The following NELL2 variants were observed in gnomAD, a reference collection of about 807,000 sequenced individuals.
NELL2 encodes neural EGFL like 2, also known as protein kinase C-binding protein NELL2.
A neutral mutation model predicts 109.6 loss-of-function variants in NELL2; 41 were observed. That is an observed-to-expected ratio of 0.37 (90% CI 0.29 to 0.49). The LOEUF (loss-of-function observed/expected upper bound fraction) is 0.49, where lower values mean the gene tolerates loss of function less well. Among genes scored for constraint, NELL2 ranks in the 20% least tolerant of loss-of-function variants. The pLI is 0.98. For synonymous variants in NELL2, 355 were observed against 344.7 expected (o/e 1.03, Z -0.33); for missense variants, 900 against 1,008.3 (o/e 0.89, Z 1.45).
At chr12:44,781,706 T>C (rs1392022412) in intron 3 of NELL2, among the ~76,000 whole-genome samples, 1 of 152,108 alleles carries the variant, frequency 6.6e-6, no homozygotes, top group East Asian at 1.9e-4. Flanking sequence ...AGTGTGTTTC[T>C]CAGTAGAAAC....
chr12:44,880,112 CAT>C (rs1311107706), upstream of NELL2, among the ~76,000 whole-genome samples: 16 of 122,378 alleles, frequency 1.3e-4, no homozygotes, highest in South Asian at 4.9e-3. Context: ...AGTCAAGAAA[CAT>C]ACACACACAC....
intron 9 of NELL2, among the ~76,000 whole-genome samples, chr12:44,763,871 T>C (rs893480680): frequency 7.9e-5 from 12 of 151,826 alleles, no homozygotes; most frequent in African/African-American, 1.9e-4. Flanking sequence ...AGATTTACAA[T>C]AAAAAAAACA....
intron 15 of NELL2, among the ~76,000 whole-genome samples, chr12:44,599,871 G>T (rs1945132411): frequency 6.6e-6 from 1 of 151,072 alleles, no homozygotes; most frequent in African/African-American, 2.4e-5. Flanking sequence ...CAATTGAATT[G>T]AAAGCAGACT....
At chr12:44,819,589 C>T (rs1943473585) in intron 2 of NELL2, among the ~76,000 whole-genome samples, 1 of 152,122 alleles carries the variant, frequency 6.6e-6, no homozygotes. Context: ...ACAGCAGAAC[C>T]ATCCTCCACC....
At chr12:44,624,488 G>A (rs538136520) in intron 13 of NELL2, among the ~76,000 whole-genome samples, 28 of 151,776 alleles carry the variant, frequency 1.8e-4, no homozygotes, top group African/African-American at 6.0e-4. Context: ...CCTCACTATC[G>A]TCTTTCCCCC....
chr12:44,797,065 A>G (rs931461075), intron 3 of NELL2, among the ~76,000 whole-genome samples: 4 of 152,172 alleles, frequency 2.6e-5, no homozygotes, highest in African/African-American at 9.7e-5. Flanking sequence ...AAGAACAGGT[A>G]TTAAAAAAAG....
intron 2 of NELL2, among the ~76,000 whole-genome samples, chr12:44,828,190 T>C (rs1391928030): frequency 6.6e-6 from 1 of 152,168 alleles, no homozygotes; most frequent in East Asian, 1.9e-4. Context: ...TAGAGTTGTT[T>C]GAGCTCCTTA....
intron 9 of NELL2, among the ~76,000 whole-genome samples, chr12:44,733,207 AT>A (rs1266334095): frequency 6.6e-6 from 1 of 151,960 alleles, no homozygotes; most frequent in Non-Finnish European, 1.5e-5. Flanking sequence ...ACTTGTGTGT[AT>A]TTTTCCATCA....
chr12:44,647,672 C>T (rs1947141071), intron 13 of NELL2, among the ~76,000 whole-genome samples: 1 of 152,056 alleles, frequency 6.6e-6, no homozygotes, highest in Non-Finnish European at 1.5e-5. Flanking sequence ...AATGAGAAGA[C>T]ACAAAGAAAC....
At chr12:44,510,898 C>T (rs1029070472) in intron 19 of NELL2, among the ~76,000 whole-genome samples, 1 of 152,156 alleles carries the variant, frequency 6.6e-6, no homozygotes, top group African/African-American at 2.4e-5. Flanking sequence ...TGACCATAAC[C>T]AGGTCACACA....
intron 3 of NELL2, among the ~76,000 whole-genome samples, chr12:44,802,516 A>T (rs959699736): frequency 1.3e-5 from 2 of 152,034 alleles, no homozygotes; most frequent in Non-Finnish European, 2.9e-5. Context: ...ACTGTATATA[A>T]AGCTATCAAG....
At chr12:44,677,902 T>C (rs1264093197) in intron 12 of NELL2, among the ~76,000 whole-genome samples, 3 of 152,030 alleles carry the variant, frequency 2.0e-5, no homozygotes, top group Non-Finnish European at 2.9e-5. Flanking sequence ...TTTGAGATGC[T>C]TATGACACAT....
At chr12:44,540,465 T>C (rs775763392) in intron 15 of NELL2, among the ~76,000 whole-genome samples, 2 of 151,884 alleles carry the variant, frequency 1.3e-5, no homozygotes, top group Non-Finnish European at 2.9e-5. Context: ...GTTTGAAGAG[T>C]CTTGAAATAC....
intron 9 of NELL2, among the ~76,000 whole-genome samples, chr12:44,731,400 T>A (rs116210134): frequency 0.027 from 4,019 of 150,750 alleles, 174 homozygotes; most frequent in African/African-American, 0.094. Context: ...TACACCATGA[T>A]AAAGTGGTAT....
At chr12:44,894,962 T>G (rs1470294150) in intron 1 of NELL2, among the ~76,000 whole-genome samples, 1 of 152,242 alleles carries the variant, frequency 6.6e-6, no homozygotes, top group Non-Finnish European at 1.5e-5. Flanking sequence ...CAATAGAATA[T>G]TCTCCCTTTA....
intron 3 of NELL2, among the ~76,000 whole-genome samples, chr12:44,782,844 C>A (rs1467884290): frequency 6.6e-6 from 1 of 151,788 alleles, no homozygotes; most frequent in East Asian, 1.9e-4. Flanking sequence ...GAACAACTAG[C>A]CAAAATGTCA....
At chr12:44,630,009 C>G (rs561599694) in intron 13 of NELL2, among the ~76,000 whole-genome samples, 2 of 152,092 alleles carry the variant, frequency 1.3e-5, no homozygotes, top group African/African-American at 4.8e-5. Flanking sequence ...ACTAATAGCC[C>G]TATTAATCAT....
chr12:44,557,490 T>C (rs1168145928), intron 15 of NELL2, among the ~76,000 whole-genome samples: 2 of 152,034 alleles, frequency 1.3e-5, no homozygotes, highest in Admixed American at 6.6e-5. Flanking sequence ...ATGATGATCA[T>C]TGCCAAGAGG....
chr12:44,736,732 T>C (rs930542263), intron 9 of NELL2, among the ~76,000 whole-genome samples: 2 of 152,150 alleles, frequency 1.3e-5, no homozygotes. Flanking sequence ...ATACTGTTAA[T>C]ATTTTACAAA....
Sources: allele counts gnomAD v4.1 joint callset (sites outside exome capture counted in the v4.1 genomes callset), GRCh38; gene constraint gnomAD v4.1.1; transcripts MANE v1.5; gene names NCBI Gene and HGNC (gene_info 2026-07-23, HGNC 2026-07-21).